Variants in KCND3 observed in about 807,000 individuals in gnomAD.
The protein encoded by KCND3 is potassium voltage-gated channel subfamily D member 3.
Under a neutral mutation model 51.1 loss-of-function variants are expected in KCND3, and 9 were observed. The ratio of observed to expected loss-of-function variants is 0.18; its 90% CI spans 0.11 to 0.31. The LOEUF is 0.31. Among genes scored for constraint, KCND3 ranks in the 10% least tolerant of loss-of-function variants. The pLI is 1.00. For missense variants in KCND3, 526 were observed against 903.8 expected (o/e 0.58, Z 5.36); for synonymous variants, 349 against 368.0 (o/e 0.95, Z 0.59).
intron 2 of KCND3, among the ~76,000 whole-genome samples, chr1:111,920,260 G>A (rs994536786): frequency 3.3e-5 from 5 of 152,186 alleles, no homozygotes; most frequent in African/African-American, 7.2e-5. Context: ...CTGCATGGGC[G>A]CCATCTGCAC....
At chr1:111,874,770 T>C (rs185525937) in intron 2 of KCND3, among the ~76,000 whole-genome samples, 20 of 152,234 alleles carry the variant, frequency 1.3e-4, no homozygotes, top group African/African-American at 4.8e-4. Flanking sequence ...TTCTGCTGAG[T>C]ACACAGCTCT....
chr1:111,808,477 G>C (rs1388236152), intron 2 of KCND3, among the ~76,000 whole-genome samples: 1 of 152,162 alleles, frequency 6.6e-6, no homozygotes, highest in Admixed American at 6.5e-5. Context: ...CAAATGCAAG[G>C]GCTTGCTTAT....
At chr1:111,985,725 T>C (rs1374755257) in intron 1 of KCND3, among the ~76,000 whole-genome samples, 1 of 152,232 alleles carries the variant, frequency 6.6e-6, no homozygotes. Context: ...TCGAGTTTTC[T>C]AAAGAAGCCA....
At chr1:111,789,253 G>A (rs902658648) in intron 2 of KCND3, among the ~76,000 whole-genome samples, 4 of 152,232 alleles carry the variant, frequency 2.6e-5, no homozygotes. Flanking sequence ...TCCTGCTGGG[G>A]CAGATGGTCT....
chr1:111,863,320 T>C (rs1266262312), intron 2 of KCND3, among the ~76,000 whole-genome samples: 1 of 95,396 alleles, frequency 1.0e-5, no homozygotes, highest in East Asian at 3.5e-4. Context: ...AACCTATTTG[T>C]CTAGGAAACA....
rs191775030 is a variant in KCND3, at chr1:111,873,879, G to A, written c.1107-86773C>T. Among the ~76,000 whole-genome samples the A allele has an allele frequency of 5.4e-4, 82 of 152,132 alleles. 1 individual carries two copies. The highest frequency in any genetic ancestry group is 1.9e-3 in the African/African-American group (77 of 41,490). On this transcript the variant is annotated intron_variant, in intron 2 of 7. Coordinates refer to ENST00000302127, the MANE Select transcript of KCND3 (RefSeq NM_001378969.1). ...TTCATAAAATATCTGGCACAAGCAGGGGAGAACGGAGAATGATTGGACGGG... is the reference window on the plus strand; with the variant it reads ...TTCATAAAATATCTGGCACAAGCAGAGGAGAACGGAGAATGATTGGACGGG...
At chr1:111,855,072 C>A (rs1338171259) in intron 2 of KCND3, among the ~76,000 whole-genome samples, 1 of 152,152 alleles carries the variant, frequency 6.6e-6, no homozygotes, top group Non-Finnish European at 1.5e-5. Flanking sequence ...CCTGGTCTGG[C>A]CAGCTGCTCT....
chr1:111,818,042 A>ACG (rs1666177802), intron 2 of KCND3, among the ~76,000 whole-genome samples: 1 of 18,984 alleles, frequency 5.3e-5, no homozygotes, highest in South Asian at 2.1e-3. Context: ...ACGCGCGTGC[A>ACG]CACACACACA....
chr1:111,877,069 T>C (rs1400809003), intron 2 of KCND3, among the ~76,000 whole-genome samples: 1 of 152,234 alleles, frequency 6.6e-6, no homozygotes, highest in Non-Finnish European at 1.5e-5. Context: ...CTAAATGCTC[T>C]GGGAGATGCA....
intron 2 of KCND3, among the ~76,000 whole-genome samples, chr1:111,827,773 G>A (rs1666644830): frequency 6.6e-6 from 1 of 152,190 alleles, no homozygotes; most frequent in Admixed American, 6.5e-5. Context: ...CCTGGGTGAG[G>A]AATGTTGATA....
intron 2 of KCND3, among the ~76,000 whole-genome samples, chr1:111,843,970 C>T (rs1181988582): frequency 6.6e-6 from 1 of 152,146 alleles, no homozygotes; most frequent in Non-Finnish European, 1.5e-5. Flanking sequence ...CCTTTCTCCA[C>T]CTTCCAATTC....
At chr1:111,859,338 G>C (rs138385838) in intron 2 of KCND3, among the ~76,000 whole-genome samples, 3 of 152,318 alleles carry the variant, frequency 2.0e-5, no homozygotes, top group East Asian at 3.9e-4. Flanking sequence ...TCTGAGAAGA[G>C]AAGAGACCTC....
chr1:111,870,410 G>A lies in KCND3; in HGVS notation c.1107-83304C>T, dbSNP rs141219949. Among the ~76,000 whole-genome samples, 94 of 152,274 alleles carry A rather than the reference G, an allele frequency of 6.2e-4. 1 individual carries two copies. Among genetic ancestry groups the A allele is most frequent in the Admixed American group, 5.6e-3 (86 of 15,310 alleles). On this transcript the variant is annotated intron_variant, in intron 2 of 7. Transcript: ENST00000302127. ...ACATCAGAGTCACTGTGTCACAGACGGAGACTTAGCTTGAACTAAGAGGAC... is the reference window on the plus strand; with the variant it reads ...ACATCAGAGTCACTGTGTCACAGACAGAGACTTAGCTTGAACTAAGAGGAC...
At chr1:111,891,449 G>A (rs1207783231) in intron 2 of KCND3, among the ~76,000 whole-genome samples, 1 of 152,212 alleles carries the variant, frequency 6.6e-6, no homozygotes, top group African/African-American at 2.4e-5. Context: ...GATGCAGAAG[G>A]CTTGCTGGAG....
intron 2 of KCND3, among the ~76,000 whole-genome samples, chr1:111,954,578 G>A (rs2101913967): frequency 6.6e-6 from 1 of 152,358 alleles, no homozygotes; most frequent in African/African-American, 2.4e-5. Context: ...CCAAAGAGTT[G>A]TGCTTGTTCC....
intron 2 of KCND3, among the ~76,000 whole-genome samples, chr1:111,966,969 C>T (rs1356003488): frequency 6.6e-6 from 1 of 151,848 alleles, no homozygotes; most frequent in Non-Finnish European, 1.5e-5. Flanking sequence ...GGAGAAACCC[C>T]ATCACTACTA....
intron 2 of KCND3, among the ~76,000 whole-genome samples, chr1:111,897,975 G>A (rs1022296922): frequency 1.3e-5 from 2 of 152,062 alleles, no homozygotes; most frequent in African/African-American, 4.8e-5. Flanking sequence ...CCATAAACAC[G>A]GTCTCTCTCC....
chr1:111,866,258 C>A, intron 2 of KCND3, among the ~76,000 whole-genome samples: 1 of 53,152 alleles, frequency 1.9e-5, no homozygotes, highest in African/African-American at 6.5e-5. Context: ...TCTTTCTTTT[C>A]TTTTCTTTTT....
At chr1:111,935,772 G>A (rs954435953) in intron 2 of KCND3, among the ~76,000 whole-genome samples, 10 of 152,158 alleles carry the variant, frequency 6.6e-5, no homozygotes, top group African/African-American at 2.4e-4. Flanking sequence ...AAGAGGGGCC[G>A]AGGGGCCAAG....
Sources: gnomAD v4.1 joint callset for allele counts (sites outside exome capture counted in the v4.1 genomes callset) on GRCh38, gnomAD v4.1.1 for gene constraint, MANE v1.5 for transcripts, NCBI Gene and HGNC (gene_info 2026-07-23, HGNC 2026-07-21) for gene names.